Variants in MLIP observed in about 807,000 individuals in gnomAD.
MLIP encodes muscular LMNA-interacting protein.
In MLIP, 79 loss-of-function variants were observed where a neutral mutation model predicts 84.8. The ratio of observed to expected loss-of-function variants is 0.93; its 90% CI spans 0.78 to 1.12. The LOEUF (loss-of-function observed/expected upper bound fraction) is 1.12, where lower values mean the gene tolerates loss of function less well. Ranked by LOEUF, MLIP falls within the 50% of genes most tolerant of loss-of-function variation. The pLI is 0.00. For missense variants in MLIP, 1,257 were observed against 1,160.6 expected, an observed-to-expected ratio of 1.08 and a Z score of -1.21; for synonymous variants, 504 against 463.0, an observed-to-expected ratio of 1.09 and a Z score of -1.14.
intron 1 of MLIP, among the ~76,000 whole-genome samples, chr6:54,105,023 G>T (rs1768910102): frequency 6.6e-6 from 1 of 152,164 alleles, no homozygotes; most frequent in African/African-American, 2.4e-5. Flanking sequence ...TCTAAGAAGG[G>T]CACGTTGGAT....
intron 9 of MLIP, among the ~76,000 whole-genome samples, chr6:54,173,646 T>C (rs1373606667): frequency 6.6e-6 from 1 of 151,854 alleles, no homozygotes; most frequent in Non-Finnish European, 1.5e-5. Flanking sequence ...TATTTTGATA[T>C]AGGAATGCAA....
intron 12 of MLIP, among the ~76,000 whole-genome samples, chr6:54,251,687 A>ATATATATTATAACATATGATAC (rs1782525253): frequency 5.0e-5 from 5 of 99,246 alleles, no homozygotes; most frequent in Non-Finnish European, 8.6e-5. Flanking sequence ...ATATAATATA[A>ATATATATTATAACATATGATAC]ATATATATTA....
intron 3 of MLIP, among the ~76,000 whole-genome samples, chr6:54,129,176 A>C (rs1233493483): frequency 6.6e-6 from 1 of 152,126 alleles, no homozygotes; most frequent in Admixed American, 6.5e-5. Context: ...ACAGTAAGTT[A>C]TTTGGATGGG....
chr6:54,148,684 C>T (rs1487022540), intron 4 of MLIP, among the ~76,000 whole-genome samples: 2 of 152,118 alleles, frequency 1.3e-5, no homozygotes, highest in African/African-American at 4.8e-5. Context: ...AGAAAAGAAA[C>T]ATTCCTTTGA....
At chr6:54,133,387 G>A (rs1325266849) in intron 3 of MLIP, among the ~76,000 whole-genome samples, 1 of 152,182 alleles carries the variant, frequency 6.6e-6, no homozygotes, top group Non-Finnish European at 1.5e-5. Context: ...GCTAAGTTTA[G>A]GAGGCCGAGC....
intron 1 of MLIP, among the ~76,000 whole-genome samples, chr6:54,040,166 G>A (rs1764663256): frequency 6.6e-6 from 1 of 151,954 alleles, no homozygotes; most frequent in Non-Finnish European, 1.5e-5. Flanking sequence ...CATCTACCAT[G>A]TGTCAGATAT....
intron 1 of MLIP, among the ~76,000 whole-genome samples, chr6:54,025,742 T>A (rs1763765522): frequency 9.4e-6 from 1 of 105,986 alleles, no homozygotes; most frequent in African/African-American, 2.8e-5. Flanking sequence ...ATACGTTAAC[T>A]CCCCTAAGCT....
intron 1 of MLIP, among the ~76,000 whole-genome samples, chr6:54,096,895 A>G (rs1768253784): frequency 6.6e-6 from 1 of 152,176 alleles, no homozygotes; most frequent in Non-Finnish European, 1.5e-5. Flanking sequence ...GATGAGACGG[A>G]GAGAGCTGAG....
intron 5 of MLIP, among the ~76,000 whole-genome samples, chr6:54,154,007 A>G (rs909248382): frequency 1.3e-5 from 2 of 152,152 alleles, no homozygotes; most frequent in Admixed American, 6.6e-5. Flanking sequence ...AGAAGAGTCC[A>G]GGACTCAAAT....
At chr6:54,242,791 T>C (rs1781823943) in intron 12 of MLIP, among the ~76,000 whole-genome samples, 1 of 152,184 alleles carries the variant, frequency 6.6e-6, no homozygotes, top group Non-Finnish European at 1.5e-5. Flanking sequence ...GTACATAGCT[T>C]CAAAATTAGA....
At chr6:54,217,848 A>C in intron 11 of MLIP, 1 of 985,270 alleles carries the variant, frequency 1.0e-6, no homozygotes, top group African/African-American at 1.7e-5. Context: ...CATATATTGC[A>C]TGCTAAAGCA....
intron 3 of MLIP, among the ~76,000 whole-genome samples, chr6:54,129,446 A>G (rs1213865904): frequency 2.0e-5 from 3 of 152,192 alleles, no homozygotes; most frequent in East Asian, 1.9e-4. Context: ...TCCTTTTCAC[A>G]TGATCTTCTG....
chr6:54,129,027 T>A (rs182236764), intron 3 of MLIP, among the ~76,000 whole-genome samples: 5 of 152,006 alleles, frequency 3.3e-5, no homozygotes, highest in Non-Finnish European at 7.4e-5. Flanking sequence ...GGGAGAGGAA[T>A]GTGGAACATG....
At chr6:54,213,697 G>T (rs1779620465) in intron 11 of MLIP, among the ~76,000 whole-genome samples, 2 of 84,368 alleles carry the variant, frequency 2.4e-5, no homozygotes, top group African/African-American at 9.4e-5. Context: ...AATGGAGTGA[G>T]ACTTTGTCTC....
chr6:54,138,782 A>G (rs1329470186), intron 4 of MLIP, among the ~76,000 whole-genome samples: 3 of 152,202 alleles, frequency 2.0e-5, no homozygotes. Flanking sequence ...CGTAGCAGAA[A>G]GCAACTCTAC....
At chr6:54,129,035 A>G (rs1771164050) in intron 3 of MLIP, among the ~76,000 whole-genome samples, 1 of 152,100 alleles carries the variant, frequency 6.6e-6, no homozygotes, top group South Asian at 2.1e-4. Flanking sequence ...AATGTGGAAC[A>G]TGAAAATAAG....
intron 3 of MLIP, among the ~76,000 whole-genome samples, chr6:54,136,008 A>G (rs1236023435): frequency 6.6e-6 from 1 of 152,194 alleles, no homozygotes; most frequent in East Asian, 1.9e-4. Flanking sequence ...TTGACACAAA[A>G]GAGAGCCTAT....
chr6:54,064,344 G>A (rs1266784585), intron 1 of MLIP, among the ~76,000 whole-genome samples: 2 of 99,524 alleles, frequency 2.0e-5, no homozygotes, highest in African/African-American at 5.1e-5. Flanking sequence ...GTCACCCTTC[G>A]GCTTGCTGCC....
intron 8 of MLIP, among the ~76,000 whole-genome samples, chr6:54,162,987 C>T (rs769651200): frequency 5.3e-5 from 8 of 151,922 alleles, no homozygotes; most frequent in Non-Finnish European, 8.8e-5. Context: ...AGAGTGTTTG[C>T]GAATATAATT....
Sources: gnomAD v4.1 joint callset for allele counts (sites outside exome capture counted in the v4.1 genomes callset) on GRCh38, gnomAD v4.1.1 for gene constraint, MANE v1.5 for transcripts, NCBI Gene and HGNC (gene_info 2026-07-23, HGNC 2026-07-21) for gene names.